Variants in CKLF observed in about 807,000 individuals in gnomAD.
CKLF encodes the protein chemokine like factor.
Under a neutral mutation model 12.9 loss-of-function variants are expected in CKLF, and 16 were observed. The ratio of observed to expected loss-of-function variants is 1.24; its 90% confidence interval spans 0.84 to 1.88. CKLF has a LOEUF of 1.88. Among genes scored for constraint, CKLF ranks in the 40% most tolerant of loss-of-function variants. CKLF has a pLI of 0.00. For synonymous variants in CKLF, 61 were observed against 69.0 expected (o/e 0.88, Z 0.57); for missense variants, 172 against 188.5 (o/e 0.91, Z 0.51).
At chr16:66,565,865 G>T in intron 3 of CKLF, 21 bp from the exon 4 acceptor site, 1 of 1,612,354 alleles carries the variant, frequency 6.2e-7, no homozygotes, top group Admixed American at 1.7e-5. Flanking sequence ...TTAGGGCAGT[G>T]ACACTTGTCT....
At chr16:66,558,373 A>G in intron 2 of CKLF, 25 bp downstream of exon 2, 1 of 1,586,518 alleles carries the variant, frequency 6.3e-7, no homozygotes. Context: ...TCATCCTTAA[A>G]TTTTACTTTT....
At chr16:66,563,365 G>A (rs1483942555) in intron 3 of CKLF, 148 bp downstream of exon 3, 2 of 916,036 alleles carry the variant, frequency 2.2e-6, no homozygotes, top group Non-Finnish European at 3.2e-6. Flanking sequence ...TAATATTTTT[G>A]TCTGTGAATG....
At chr16:66,554,990 C>T (rs2011368837) in intron 1 of CKLF, among the ~76,000 whole-genome samples, 2 of 152,288 alleles carry the variant, frequency 1.3e-5, no homozygotes, top group Non-Finnish European at 1.5e-5. Context: ...AATCCCAGCA[C>T]TTTAGGAGGC....
chr16:66,558,423 G>A, intron 2 of CKLF, 75 bp downstream of exon 2: 1 of 1,539,558 alleles, frequency 6.5e-7, no homozygotes, highest in Non-Finnish European at 8.7e-7. Flanking sequence ...TCTGTTTTTT[G>A]CTTCTCTTAA....
intron 1 of CKLF, among the ~76,000 whole-genome samples, chr16:66,553,225 A>C (rs1164512602): frequency 1.3e-5 from 2 of 151,902 alleles, no homozygotes; most frequent in Non-Finnish European, 2.9e-5. Flanking sequence ...AATGGTCTAC[A>C]TTTGGACCCA....
chr16:66,552,672 G>T lies in CKLF; in HGVS notation c.-44G>T. On this transcript the variant is annotated 5_prime_UTR_variant, in exon 1 of 4. Transcript: ENST00000264001. The stretch of plus-strand genomic sequence containing the variant: ...GCAGAACCTACTCAGGCAGCCAGCT[G>T]AGAAGAGTTGAGGGAAAGTGCTGCT... 1 of 1,613,930 alleles carries T rather than the reference G, an allele frequency of 6.2e-7. No individual in the cohort carries two copies. Among genetic ancestry groups the T allele is most frequent in the Non-Finnish European group, 8.5e-7 (1 of 1,179,954 alleles).
intron 1 of CKLF, among the ~76,000 whole-genome samples, chr16:66,556,942 C>G (rs1462737692): frequency 6.6e-6 from 1 of 152,104 alleles, no homozygotes; most frequent in Non-Finnish European, 1.5e-5. Flanking sequence ...AGCTTTATTT[C>G]CTAAGAACAT....
At chr16:66,557,589 T>C (rs1266237222) in intron 1 of CKLF, among the ~76,000 whole-genome samples, 2 of 152,244 alleles carry the variant, frequency 1.3e-5, no homozygotes, top group African/African-American at 2.4e-5. Flanking sequence ...TAAGAAATTA[T>C]AGACAGCCAG....
chr16:66,562,030 G>C (rs2144549020), intron 2 of CKLF, among the ~76,000 whole-genome samples: 1 of 152,080 alleles, frequency 6.6e-6, no homozygotes, highest in African/African-American at 2.4e-5. Flanking sequence ...ATGTCTGTGG[G>C]GGTTTCCTGA....
In CKLF at chr16:66,561,780, G is replaced by T. The variant is rs1421381182; in HGVS notation, c.238-1342G>T. ...AATAACTGCTTTTCTAAATTACCAG[G>T]GTTTTGCAGTTTGCTATTTGGGTTA... On this transcript the variant is annotated intron_variant, in intron 2 of 3. Coordinates refer to ENST00000264001, the MANE Select transcript of CKLF (RefSeq NM_016951.4). Among the ~76,000 whole-genome samples, 8 of 151,994 alleles carry T rather than the reference G, an allele frequency of 5.3e-5. No homozygotes were observed. In the East Asian group the frequency reaches 1.5e-3, roughly 29 times the overall value.
intron 1 of CKLF, among the ~76,000 whole-genome samples, chr16:66,553,224 C>T (rs1369586329): frequency 1.3e-5 from 2 of 151,840 alleles, no homozygotes; most frequent in African/African-American, 4.8e-5. Flanking sequence ...AAATGGTCTA[C>T]ATTTGGACCC....
Position 66,558,254 on chromosome 16 carries a change from T to C in CKLF, c.143T>C (p.Ile48Thr), listed in dbSNP as rs1308168022. ...IAQAPEPYIV[I>T]TGFEVTVILF... is the part of the protein sequence containing the mutation. The stretch of plus-strand genomic sequence containing the variant: ...CAAGCCCCTGAACCATATATTGTTA[T>C]CACTGGATTTGAAGTCACCGTTATC... Residue 48 changes from isoleucine (I) to threonine (T), a missense_variant, in exon 2 of 4, where the codon ATC (isoleucine) becomes ACC (threonine). By Grantham distance (89) the Ile-to-Thr change is moderately conservative. Transcript: ENST00000264001. The C allele has an allele frequency of 1.9e-6, 3 of 1,614,074 alleles. No individual in the cohort carries two copies. In the Admixed American group the frequency reaches 5.0e-5, roughly 27 times the overall value.
chr16:66,556,687 A>G (rs2011464700), intron 1 of CKLF, among the ~76,000 whole-genome samples: 1 of 152,190 alleles, frequency 6.6e-6, no homozygotes, highest in Non-Finnish European at 1.5e-5. Flanking sequence ...GCTAATAGTA[A>G]TTATATTAAT....
intron 1 of CKLF, chr16:66,553,329 G>A (rs555389102): frequency 1.3e-5 from 2 of 152,792 alleles, no homozygotes; most frequent in East Asian, 1.9e-4. Flanking sequence ...AGCCTCAGGG[G>A]TTTCGGTGAA....
rs950194385 is a variant in CKLF at position 66,558,201 on chromosome 16, G to T, written c.90G>T (p.Val30=). The change falls in exon 2 of 4, where the codon GTG becomes GTT. Residue 30 remains valine (V), a synonymous_variant. Coordinates refer to ENST00000264001, the MANE Select transcript of CKLF (RefSeq NM_016951.4). ...HVKMLRLALT[V]TSMTFFIIAQ... Reference sequence around the variant, plus strand: ...TTTTTTTCTTCTAGGCACTAACTGTGACATCTATGACCTTTTTTATCATCG... The same window carrying T: ...TTTTTTTCTTCTAGGCACTAACTGTTACATCTATGACCTTTTTTATCATCG... The T allele has an allele frequency of 3.1e-6, 5 of 1,611,000 alleles. No individual in the cohort carries two copies. The Admixed American group carries it at 5.1e-5, about 16-fold the overall frequency.
intron 2 of CKLF, among the ~76,000 whole-genome samples, chr16:66,560,710 A>G (rs1221516967): frequency 6.6e-6 from 1 of 152,074 alleles, no homozygotes; most frequent in Non-Finnish European, 1.5e-5. Context: ...AAAAGGCAGG[A>G]GAGCACCCAA....
chr16:66,559,527 G>C (rs1310967314), intron 2 of CKLF, among the ~76,000 whole-genome samples: 2 of 152,210 alleles, frequency 1.3e-5, no homozygotes, highest in Non-Finnish European at 2.9e-5. Context: ...ATTTCTTCAA[G>C]AGGATAATGA....
Position 66,552,800 on chromosome 16 carries a change from C to G in CKLF, c.78+7C>G, listed in dbSNP as rs766781721. Reference sequence around the variant, plus strand: ...CGTGAAGATGCTGCGGCTGGTGAGGCCGGGCCGCGGAGGGCGGGAGGCTGA... The same window carrying G: ...CGTGAAGATGCTGCGGCTGGTGAGGGCGGGCCGCGGAGGGCGGGAGGCTGA... On this transcript the variant is annotated splice_region_variant and intron_variant, in intron 1 of 3. Transcript: ENST00000264001. 6.2e-7 allele frequency: 1 copy of G among 1,613,900 alleles called. No homozygotes were observed. Among genetic ancestry groups the G allele is most frequent in the Non-Finnish European group, 8.5e-7 (1 of 1,179,906 alleles).
intron 1 of CKLF, among the ~76,000 whole-genome samples, chr16:66,557,896 C>A (rs1567549589): frequency 6.6e-6 from 1 of 152,102 alleles, no homozygotes; most frequent in Non-Finnish European, 1.5e-5. Context: ...CTCTAAAAGA[C>A]AAAGAGAAGT....
Sources: allele counts gnomAD v4.1 joint callset (sites outside exome capture counted in the v4.1 genomes callset), GRCh38; gene constraint gnomAD v4.1.1; transcripts MANE v1.5; gene names NCBI Gene and HGNC (gene_info 2026-07-23, HGNC 2026-07-21).